Variants in MS4A13 observed in about 807,000 individuals in gnomAD.
MS4A13 encodes the protein membrane-spanning 4-domains subfamily A member 13.
A neutral mutation model predicts 18.4 loss-of-function variants in MS4A13; 21 were observed. The ratio of observed to expected loss-of-function variants is 1.14; its 90% CI spans 0.81 to 1.64. The LOEUF is 1.64. MS4A13 is among the 40% of genes most tolerant of loss of function. MS4A13 has a pLI of 0.00. For missense variants in MS4A13, 173 were observed against 176.8 expected (o/e 0.98, Z 0.12); for synonymous variants, 62 against 57.2 (o/e 1.08, Z -0.38).
At chr11:60,520,770 G>A (rs1049696729) in intron 3 of MS4A13, among the ~76,000 whole-genome samples, 2 of 152,230 alleles carry the variant, frequency 1.3e-5, no homozygotes, top group African/African-American at 4.8e-5. Context: ...TCTGGGGTCT[G>A]GAGGATGGTG....
chr11:60,517,175 A>T (rs1232353019), intron 2 of MS4A13, among the ~76,000 whole-genome samples: 1 of 144,184 alleles, frequency 6.9e-6, no homozygotes, highest in Admixed American at 7.1e-5. Context: ...CAAAAAAGAG[A>T]CTTTTTCTTA....
chr11:60,533,860 C>T (rs1222117116), intron 6 of MS4A13, among the ~76,000 whole-genome samples: 1 of 72,778 alleles, frequency 1.4e-5, no homozygotes, highest in Non-Finnish European at 2.5e-5. Flanking sequence ...AGAGTGGGGG[C>T]CAATATTCAA....
At chr11:60,520,947 A>C (rs2086669938) in intron 3 of MS4A13, among the ~76,000 whole-genome samples, 1 of 152,218 alleles carries the variant, frequency 6.6e-6, no homozygotes, top group Non-Finnish European at 1.5e-5. Context: ...TATCCTCTGA[A>C]ATCTAGGCAG....
intron 6 of MS4A13, among the ~76,000 whole-genome samples, chr11:60,536,711 T>C (rs1362040443): frequency 1.5e-5 from 1 of 65,570 alleles, no homozygotes; most frequent in Non-Finnish European, 2.8e-5. Flanking sequence ...AGAGCCCGCA[T>C]TGCCAAGTCA....
chr11:60,518,013 TA>T, intron 2 of MS4A13, 58 bp from the exon 3 acceptor site: 1 of 1,328,048 alleles, frequency 7.5e-7, no homozygotes, highest in Non-Finnish European at 1.0e-6. Context: ...AGTTAACACT[TA>T]TTGGAATTGT....
rs1399387923 is a variant in MS4A13, at chr11:60,523,905, T to C, written c.138T>C (p.Ile46=). The C allele has an allele frequency of 1.3e-6, 2 of 1,521,680 alleles. No individual in the cohort carries two copies. Among genetic ancestry groups the C allele is most frequent in the Admixed American group, 1.7e-5 (1 of 59,250 alleles). The allele number at this position is 1,521,680 out of a possible 1,614,324, so 94.3% of individuals were successfully genotyped here. Residue 46 remains isoleucine (I), a synonymous_variant, in exon 4 of 7, where the codon ATT becomes ATC. Transcript: ENST00000378186. The stretch of plus-strand genomic sequence containing the variant: ...TATGTTTTTATATCCAGTTTATCAT[T>C]GCAGGAGTCTTCCTAATAAGAGTAA... ...GCTLWGIFFI[I]AGVFLIRVTK...
At position 60,527,404 on chromosome 11, in the gene MS4A13, C is replaced by CTG. The variant is rs1565212716; in HGVS notation, c.307-1960_307-1959insGT. On this transcript the variant is annotated intron_variant, in intron 5 of 6. Transcript: ENST00000378186. ...TCTCTCTCTCTCTCTCTCTCTCTCTCTCTCTCTGTGTGTGTGTGTGTGTGT... is the reference window on the plus strand; with the variant it reads ...TCTCTCTCTCTCTCTCTCTCTCTCTCTGTCTCTCTGTGTGTGTGTGTGTGTGT... Among the ~76,000 whole-genome samples, 51 of 73,496 alleles carry CTG rather than the reference C, an allele frequency of 6.9e-4. 1 individual carries two copies. Among genetic ancestry groups the CTG allele is most frequent in the East Asian group, 1.7e-3 (3 of 1,756 alleles). 48.2% of individuals were successfully genotyped at this position (73,496 alleles called of 152,430 possible).
At chr11:60,521,804 C>T (rs1199298039) in intron 3 of MS4A13, among the ~76,000 whole-genome samples, 2 of 152,160 alleles carry the variant, frequency 1.3e-5, no homozygotes, top group African/African-American at 2.4e-5. Flanking sequence ...CACCCCACTC[C>T]TGGTGCCAAT....
intron 6 of MS4A13, among the ~76,000 whole-genome samples, chr11:60,541,720 T>A (rs1222044333): frequency 6.6e-6 from 1 of 152,142 alleles, no homozygotes; most frequent in Non-Finnish European, 1.5e-5. Context: ...CTATTAAGAT[T>A]TATGTTCAAG....
chr11:60,541,269 G>A (rs978191094), intron 6 of MS4A13, among the ~76,000 whole-genome samples: 2 of 152,138 alleles, frequency 1.3e-5, no homozygotes, highest in African/African-American at 4.8e-5. Context: ...TAAGTCTTTG[G>A]TATATAACCA....
intron 2 of MS4A13, among the ~76,000 whole-genome samples, chr11:60,516,744 T>C (rs2086640278): frequency 6.6e-6 from 1 of 152,184 alleles, no homozygotes; most frequent in South Asian, 2.1e-4. Flanking sequence ...AGAATCATTT[T>C]TAAATAAGAA....
chr11:60,535,431 G>A lies in MS4A13; in HGVS notation c.402+5971G>A, dbSNP rs546827157. Among the ~76,000 whole-genome samples the A allele has an allele frequency of 3.6e-4, 48 of 134,100 alleles. 4 individuals carry two copies. In the South Asian group the frequency reaches 0.012, roughly 35 times the overall value. The allele number at this position is 134,100 out of a possible 152,430, so 88.0% of individuals were successfully genotyped here. ...ATAAACTAGAAAATCTAGAAGAAATGGATACATTCCTCGACACATACACTC... is the reference window on the plus strand; with the variant it reads ...ATAAACTAGAAAATCTAGAAGAAATAGATACATTCCTCGACACATACACTC... On this transcript the variant is annotated intron_variant, in intron 6 of 6. Coordinates refer to ENST00000378186, the MANE Select transcript of MS4A13 (RefSeq NM_001012417.3).
At chr11:60,541,256 A>T (rs1036506350) in intron 6 of MS4A13, among the ~76,000 whole-genome samples, 1 of 152,224 alleles carries the variant, frequency 6.6e-6, no homozygotes, top group Admixed American at 6.5e-5. Flanking sequence ...ATGATCAGTA[A>T]TTTAAGTCTT....
At chr11:60,527,486 AC>A (rs1236656496) in intron 5 of MS4A13, among the ~76,000 whole-genome samples, 1 of 145,874 alleles carries the variant, frequency 6.9e-6, no homozygotes, top group African/African-American at 2.5e-5. Context: ...GCTCTGGCCA[AC>A]CTTTTGCCGC....
chr11:60,539,310 G>T (rs528590771), intron 6 of MS4A13, among the ~76,000 whole-genome samples: 24 of 151,942 alleles, frequency 1.6e-4, no homozygotes, highest in South Asian at 8.3e-4. Context: ...CCCAATGGAG[G>T]TTCTAGAGTT....
intron 6 of MS4A13, among the ~76,000 whole-genome samples, chr11:60,529,789 C>T (rs1248752272): frequency 6.6e-6 from 1 of 152,184 alleles, no homozygotes. Flanking sequence ...ATTATATTCA[C>T]ATTATTTTGT....
chr11:60,529,183 G>C (rs976896405), intron 5 of MS4A13, among the ~76,000 whole-genome samples, 182 bp from the exon 6 acceptor site: 1 of 151,592 alleles, frequency 6.6e-6, no homozygotes, highest in Admixed American at 6.6e-5. Flanking sequence ...GGAAAGTGTA[G>C]CAGAGGGCAA....
At chr11:60,542,181 AGAAGAAAGG>A (rs1216054936) in intron 6 of MS4A13, among the ~76,000 whole-genome samples, 1 of 147,480 alleles carries the variant, frequency 6.8e-6, no homozygotes, top group Non-Finnish European at 1.5e-5. Flanking sequence ...AGAGAAAGAA[AGAAGAAAGG>A]GAAGAAAGGG....
rs117806033 is a variant in MS4A13, at chr11:60,529,521, A to G, written c.402+61A>G. On this transcript the variant is annotated intron_variant, in intron 6 of 6. Transcript: ENST00000378186. ...TGTTGATTTCTAGTAACTACACTCTATGAGAAGATGAAGTGCACTGATACA... is the reference window on the plus strand; with the variant it reads ...TGTTGATTTCTAGTAACTACACTCTGTGAGAAGATGAAGTGCACTGATACA... The G allele has an allele frequency of 1.6e-3, 1,439 of 898,810 alleles. 12 individuals are homozygous for G. In the African/African-American group the frequency reaches 0.019, roughly 12 times the overall value. 55.7% of individuals were successfully genotyped at this position (898,810 alleles called of 1,614,324 possible). A position where few individuals can be genotyped will look rare whatever the true frequency, so the allele number is the denominator to read the frequency against.
Sources: allele counts gnomAD v4.1 joint callset (sites outside exome capture counted in the v4.1 genomes callset), GRCh38; gene constraint gnomAD v4.1.1; transcripts MANE v1.5; gene names NCBI Gene and HGNC (gene_info 2026-07-23, HGNC 2026-07-21).